The following OTOA variants were observed in gnomAD, a reference collection of about 807,000 sequenced individuals.
OTOA encodes the protein otoancorin.
Under a neutral mutation model 110.8 loss-of-function variants are expected in OTOA, and 70 were observed. The observed-to-expected ratio is 0.63, with a 90% confidence interval of 0.52 to 0.77. The LOEUF is 0.77. Among genes scored for constraint, OTOA ranks in the 30% least tolerant of loss-of-function variants. The pLI, the probability that OTOA is intolerant of heterozygous loss-of-function variation, is 0.00. For synonymous variants in OTOA, 373 were observed against 431.5 expected (o/e 0.86, Z 1.68); for missense variants, 917 against 1,075.8 (o/e 0.85, Z 2.06).
At chr16:21,666,918 C>G (rs1966841248) in intron 1 of OTOA, among the ~76,000 whole-genome samples, 1 of 152,140 alleles carries the variant, frequency 6.6e-6, no homozygotes, top group Admixed American at 6.5e-5. Context: ...TTTCAGTAAC[C>G]TGAAACCTCT....
intron 2 of OTOA, 100 bp downstream of exon 2, chr16:21,678,705 G>T (rs1226546102): frequency 6.4e-6 from 8 of 1,252,142 alleles, no homozygotes; most frequent in Non-Finnish European, 9.3e-6. Context: ...AGTTGTTTTT[G>T]GGCTGTGTGT....
chr16:21,696,812 C>T (rs1371741103), intron 9 of OTOA, among the ~76,000 whole-genome samples: 2 of 151,892 alleles, frequency 1.3e-5, no homozygotes, highest in Non-Finnish European at 2.9e-5. Flanking sequence ...ATTTAGTAAC[C>T]AATCGAATGA....
chr16:21,707,467 T>C (rs1337533404), intron 12 of OTOA, among the ~76,000 whole-genome samples: 1 of 151,932 alleles, frequency 6.6e-6, no homozygotes, highest in Non-Finnish European at 1.5e-5. Flanking sequence ...GAAGACAATT[T>C]TTTTCCGTGG....
At chr16:21,695,891 A>ATATTT (rs569493650) in intron 9 of OTOA, among the ~76,000 whole-genome samples, 14 of 41,898 alleles carry the variant, frequency 3.3e-4, no homozygotes, top group South Asian at 2.2e-3. Context: ...ATATATATAT[A>ATATTT]TTTTTTTTTT....
intron 9 of OTOA, among the ~76,000 whole-genome samples, chr16:21,697,445 C>T (rs1897966519): frequency 6.6e-6 from 1 of 151,964 alleles, no homozygotes; most frequent in Admixed American, 6.6e-5. Flanking sequence ...CCAGCCTGAC[C>T]AACATGGTGA....
Position 21,721,565 on chromosome 16 carries a change from T to C in OTOA, c.1807-1340T>C, listed in dbSNP as rs573323294. 97 of 439,570 alleles carry C rather than the reference T, an allele frequency of 2.2e-4. 1 individual carries two copies. Among genetic ancestry groups the C allele is most frequent in the South Asian group, 1.5e-3 (97 of 63,960 alleles). The allele number at this position is 439,570 out of a possible 1,614,324, so 27.2% of individuals were successfully genotyped here. A position where few individuals can be genotyped will look rare whatever the true frequency, so the allele number is the denominator to read the frequency against. On this transcript the variant is annotated intron_variant, in intron 17 of 28. Coordinates refer to ENST00000646100, the MANE Select transcript of OTOA (RefSeq NM_144672.4). ...TTCAGAGGTAACTATAAAGAACAGT[T>C]TGCTATTACTTTTGAGAGTTTTCTT... is the stretch of plus-strand genomic sequence containing the variant.
intron 1 of OTOA, among the ~76,000 whole-genome samples, chr16:21,675,549 C>G (rs1307793228): frequency 1.3e-5 from 2 of 151,954 alleles, no homozygotes; most frequent in African/African-American, 2.4e-5. Context: ...CCAGAGCCCT[C>G]TTAATTTTTT....
At chr16:21,731,326 T>C (rs974626746) in intron 21 of OTOA, among the ~76,000 whole-genome samples, 1 of 152,254 alleles carries the variant, frequency 6.6e-6, no homozygotes, top group Non-Finnish European at 1.5e-5. Context: ...CAAGTCTTTA[T>C]TGATCATTAC....
intron 17 of OTOA, among the ~76,000 whole-genome samples, chr16:21,722,259 CAAAAAAAAAACAA>C (rs919954745): frequency 1.5e-5 from 1 of 68,480 alleles, no homozygotes; most frequent in African/African-American, 5.6e-5. Flanking sequence ...GAGACTGTCT[CAAAAAAAAAACAA>C]AAAAAAAAAA....
At chr16:21,728,827 T>C (rs1899016052) in intron 20 of OTOA, among the ~76,000 whole-genome samples, 1 of 152,066 alleles carries the variant, frequency 6.6e-6, no homozygotes, top group South Asian at 2.1e-4. Context: ...GACCTCGTAA[T>C]CCACCCACCT....
intron 9 of OTOA, among the ~76,000 whole-genome samples, chr16:21,692,057 T>C (rs1041039511): frequency 3.3e-5 from 5 of 152,226 alleles, no homozygotes; most frequent in Non-Finnish European, 5.9e-5. Context: ...CTGGGCGTGG[T>C]GGCTCACGCC....
Position 21,679,027 on chromosome 16 carries a change from GC to G in OTOA, c.121-7del, listed in dbSNP as rs1208173900. The G allele has an allele frequency of 4.3e-6, 7 of 1,613,798 alleles. No homozygotes were observed. Among genetic ancestry groups the G allele is most frequent in the Non-Finnish European group, 5.9e-6 (7 of 1,179,940 alleles). ...TTGTTATACTTGATGTTATCTCTTT[GC>G]CTTTTAGGAAGAAATAATAGATGGA... On this transcript the variant is annotated splice_polypyrimidine_tract_variant and splice_region_variant and intron_variant, in intron 3 of 28. Coordinates refer to ENST00000646100, the MANE Select transcript of OTOA (RefSeq NM_144672.4).
chr16:21,731,913 T>A (rs1289731329), intron 21 of OTOA, among the ~76,000 whole-genome samples: 1 of 152,182 alleles, frequency 6.6e-6, no homozygotes, highest in Non-Finnish European at 1.5e-5. Context: ...ATATTCTGGA[T>A]GTCTGAATAT....
At chr16:21,749,372 C>CA (rs1899748331) in intron 24 of OTOA, among the ~76,000 whole-genome samples, 2 of 133,568 alleles carry the variant, frequency 1.5e-5, no homozygotes, top group South Asian at 2.7e-4. Flanking sequence ...ACTAAAAACA[C>CA]AAAAAATTAG....
At chr16:21,758,155 T>C (rs898939680) in intron 28 of OTOA, among the ~76,000 whole-genome samples, 3 of 151,874 alleles carry the variant, frequency 2.0e-5, no homozygotes, top group African/African-American at 7.3e-5. Flanking sequence ...CTTTCCTTTT[T>C]CTCCCCCATG....
At chr16:21,708,212 G>A (rs1898250729) in intron 12 of OTOA, among the ~76,000 whole-genome samples, 1 of 152,150 alleles carries the variant, frequency 6.6e-6, no homozygotes, top group African/African-American at 2.4e-5. Context: ...TCCCATCTGG[G>A]GGTGATGAGA....
chr16:21,678,670 G>A (rs1966868177), intron 2 of OTOA, 65 bp downstream of exon 2: 1 of 1,412,678 alleles, frequency 7.1e-7, no homozygotes, highest in Non-Finnish European at 1.0e-6. Context: ...AGGTGGGATA[G>A]ATACATTAGG....
chr16:21,684,362 T>C, intron 6 of OTOA: 5 of 1,400,080 alleles, frequency 3.6e-6, no homozygotes, highest in Non-Finnish European at 4.7e-6. Flanking sequence ...GCAGAGGAAA[T>C]CTCTTTCAGG....
chr16:21,671,448 G>A (rs1262790695), intron 1 of OTOA, among the ~76,000 whole-genome samples: 2 of 151,774 alleles, frequency 1.3e-5, no homozygotes, highest in Non-Finnish European at 2.9e-5. Flanking sequence ...TTAGCCTGGT[G>A]TGGTGGTGGG....
Sources: gnomAD v4.1 joint callset for allele counts (sites outside exome capture counted in the v4.1 genomes callset) on GRCh38, gnomAD v4.1.1 for gene constraint, MANE v1.5 for transcripts, NCBI Gene and HGNC (gene_info 2026-07-23, HGNC 2026-07-21) for gene names.